The following CADPS2 variants were observed in gnomAD, a reference collection of about 807,000 sequenced individuals.
CADPS2 encodes the protein calcium dependent secretion activator 2, also known as calcium-dependent secretion activator 2.
A neutral mutation model predicts 172.5 loss-of-function variants in CADPS2; 93 were observed. The ratio of observed to expected loss-of-function variants is 0.54; its 90% confidence interval spans 0.46 to 0.64. The LOEUF is 0.64. CADPS2 is among the 30% of genes least tolerant of loss of function. CADPS2 has a pLI of 0.00. For missense variants in CADPS2, 1,420 were observed against 1,565.9 expected, an observed-to-expected ratio of 0.91 and a Z score of 1.57; for synonymous variants, 546 against 555.2, an observed-to-expected ratio of 0.98 and a Z score of 0.23.
chr7:122,527,617 A>AGAGAGAGAGAGTGTGTGTGTGTGT, intron 8 of CADPS2, among the ~76,000 whole-genome samples: 3 of 83,806 alleles, frequency 3.6e-5, no homozygotes, highest in Non-Finnish European at 7.8e-5. Context: ...AGAGAGAGAG[A>AGAGAGAGAGAGTGTGTGTGTGTGT]GTGTGTGTGT....
At chr7:122,477,424 G>C (rs1003367776) in intron 12 of CADPS2, among the ~76,000 whole-genome samples, 2 of 151,944 alleles carry the variant, frequency 1.3e-5, no homozygotes. Flanking sequence ...GCCGAGGCAG[G>C]AGAACTGCTT....
At chr7:122,610,160 A>T (rs988868708) in intron 6 of CADPS2, among the ~76,000 whole-genome samples, 9 of 151,958 alleles carry the variant, frequency 5.9e-5, no homozygotes, top group Non-Finnish European at 1.0e-4. Flanking sequence ...ATAAAAAAAA[A>T]AAAGAGCACT....
At chr7:122,414,179 T>C in intron 18 of CADPS2, 103 bp from the exon 19 acceptor site, 1 of 733,472 alleles carries the variant, frequency 1.4e-6, no homozygotes, top group Non-Finnish European at 2.1e-6. Context: ...TATATTTCAG[T>C]ATATCGTATA....
intron 2 of CADPS2, among the ~76,000 whole-genome samples, chr7:122,731,277 T>C (rs947533455): frequency 2.0e-5 from 3 of 151,688 alleles, no homozygotes; most frequent in Non-Finnish European, 4.4e-5. Context: ...AGCATCCATA[T>C]TTTGTACAAC....
chr7:122,701,892 G>T (rs1236736603), intron 2 of CADPS2: 1 of 1,613,374 alleles, frequency 6.2e-7, no homozygotes. Flanking sequence ...AAAAGCCAGG[G>T]GTCAATGCAT....
intron 9 of CADPS2, among the ~76,000 whole-genome samples, chr7:122,495,625 G>C (rs2058674589): frequency 6.6e-6 from 1 of 152,036 alleles, no homozygotes; most frequent in South Asian, 2.1e-4. Flanking sequence ...TGTACGTCTT[G>C]TCTTCTTGCT....
intron 22 of CADPS2, among the ~76,000 whole-genome samples, chr7:122,391,400 C>T (rs1318278745): frequency 6.6e-6 from 1 of 151,918 alleles, no homozygotes; most frequent in Non-Finnish European, 1.5e-5. Flanking sequence ...TAAAAGATTA[C>T]TAACAAAAAA....
intron 17 of CADPS2, among the ~76,000 whole-genome samples, chr7:122,417,479 A>C (rs750098695): frequency 3.5e-4 from 53 of 152,360 alleles, no homozygotes; most frequent in Non-Finnish European, 5.9e-4. Flanking sequence ...AGTAGAAGGC[A>C]GTATGAGACA....
intron 2 of CADPS2, among the ~76,000 whole-genome samples, chr7:122,668,402 T>TAAA (rs34006020): frequency 1.4e-5 from 2 of 138,194 alleles, no homozygotes; most frequent in African/African-American, 2.7e-5. Flanking sequence ...AAAGTATGGT[T>TAAA]AAAAAAAAAA....
At chr7:122,561,035 G>A (rs981973976) in intron 7 of CADPS2, among the ~76,000 whole-genome samples, 8 of 152,034 alleles carry the variant, frequency 5.3e-5, no homozygotes, top group Admixed American at 3.3e-4. Flanking sequence ...ATACACTTGA[G>A]GTTGCTAAAT....
intron 1 of CADPS2, among the ~76,000 whole-genome samples, chr7:122,744,861 G>T (rs137999417): frequency 2.6e-5 from 4 of 152,068 alleles, no homozygotes; most frequent in Non-Finnish European, 5.9e-5. Flanking sequence ...ATTGTCTGGC[G>T]TGGGCAGGGA....
At chr7:122,692,301 G>A (rs901930355) in intron 2 of CADPS2, among the ~76,000 whole-genome samples, 11 of 152,152 alleles carry the variant, frequency 7.2e-5, no homozygotes, top group Non-Finnish European at 1.3e-4. Flanking sequence ...CTCACCCTTG[G>A]TGCCCAACAG....
chr7:122,686,982 G>A (rs2083720692), intron 2 of CADPS2, among the ~76,000 whole-genome samples: 1 of 152,126 alleles, frequency 6.6e-6, no homozygotes, highest in African/African-American at 2.4e-5. Context: ...ACCACACCTG[G>A]CCTAACTATG....
chr7:122,384,590 C>T (rs555969148), intron 24 of CADPS2, among the ~76,000 whole-genome samples: 4 of 152,028 alleles, frequency 2.6e-5, no homozygotes, highest in South Asian at 2.1e-4. Flanking sequence ...AGAGAAAAAG[C>T]GAAGTATAAA....
At chr7:122,793,561 T>A (rs764664993) in intron 1 of CADPS2, among the ~76,000 whole-genome samples, 1 of 152,208 alleles carries the variant, frequency 6.6e-6, no homozygotes, top group Non-Finnish European at 1.5e-5. Flanking sequence ...AGCATATCAA[T>A]GGGTCTTGCT....
intron 3 of CADPS2, among the ~76,000 whole-genome samples, chr7:122,635,590 C>T (rs992727566): frequency 3.3e-5 from 5 of 152,092 alleles, no homozygotes; most frequent in Non-Finnish European, 5.9e-5. Context: ...TCATCTATGT[C>T]CTTACAAAGG....
intron 1 of CADPS2, among the ~76,000 whole-genome samples, chr7:122,862,724 GT>G (rs569664387): frequency 2.0e-5 from 3 of 150,570 alleles, no homozygotes; most frequent in Non-Finnish European, 3.0e-5. Context: ...GCTCCATTTT[GT>G]TTTTTTTAAA....
intron 20 of CADPS2, among the ~76,000 whole-genome samples, chr7:122,404,223 A>G (rs1230003199): frequency 2.0e-5 from 3 of 151,452 alleles, no homozygotes; most frequent in African/African-American, 7.3e-5. Flanking sequence ...ATTCCCACCT[A>G]TCAGTGAGAA....
chr7:122,648,394 G>T (rs2078782898), intron 3 of CADPS2, among the ~76,000 whole-genome samples: 1 of 151,946 alleles, frequency 6.6e-6, no homozygotes, highest in Non-Finnish European at 1.5e-5. Context: ...TCTATAACCA[G>T]GCATCACCTG....
Sources: gnomAD v4.1 joint callset for allele counts (sites outside exome capture counted in the v4.1 genomes callset) on GRCh38, gnomAD v4.1.1 for gene constraint, MANE v1.5 for transcripts, NCBI Gene and HGNC (gene_info 2026-07-23, HGNC 2026-07-21) for gene names.